Variants in MCTP2 observed in about 807,000 individuals in gnomAD.
The protein encoded by MCTP2 is multiple C2 and transmembrane domain containing 2, also known as multiple C2 and transmembrane domain-containing protein 2.
In MCTP2, 132 loss-of-function variants were observed where a neutral mutation model predicts 111.6. The ratio of observed to expected loss-of-function variants is 1.18; its 90% CI spans 1.03 to 1.37. The LOEUF (loss-of-function observed/expected upper bound fraction) is 1.37. Among genes scored for constraint, MCTP2 ranks in the 40% most tolerant of loss-of-function variants. The pLI is 0.00. For synonymous variants in MCTP2, 395 were observed against 387.7 expected (o/e 1.02, Z -0.22); for missense variants, 1,183 against 1,067.9 (o/e 1.11, Z -1.50).
chr15:94,323,267 C>A (rs149917780), intron 4 of MCTP2, among the ~76,000 whole-genome samples: 63 of 152,170 alleles, frequency 4.1e-4, no homozygotes, highest in African/African-American at 1.5e-3. Context: ...TGTATAGTTG[C>A]CACCAGGACA....
At chr15:94,341,007 C>A in intron 7 of MCTP2, 83 bp downstream of exon 7, 1 of 840,136 alleles carries the variant, frequency 1.2e-6, no homozygotes, top group Non-Finnish European at 2.0e-6. Context: ...TGATAGCTAG[C>A]AGATGACTGA....
intron 21 of MCTP2, among the ~76,000 whole-genome samples, chr15:94,472,831 C>CA (rs1294852376): frequency 6.6e-6 from 1 of 152,190 alleles, no homozygotes; most frequent in Non-Finnish European, 1.5e-5. Context: ...TATCCTAAGA[C>CA]AAATTAGTTA....
chr15:94,476,639 G>C (rs946955424), intron 21 of MCTP2, 57 bp from the exon 22 acceptor site: 9 of 886,974 alleles, frequency 1.0e-5, no homozygotes, highest in South Asian at 7.0e-5. Flanking sequence ...TAGATAGATA[G>C]ATAGATAGAT....
intron 4 of MCTP2, among the ~76,000 whole-genome samples, chr15:94,334,406 A>G (rs191685607): frequency 3.3e-5 from 5 of 152,372 alleles, no homozygotes; most frequent in Admixed American, 3.3e-4. Flanking sequence ...ACCTCTGGGC[A>G]TTAATCTTAC....
chr15:94,314,454 G>T (rs372348693), intron 3 of MCTP2, 110 bp downstream of exon 3: 28 of 682,602 alleles, frequency 4.1e-5, no homozygotes, highest in South Asian at 1.4e-4. Context: ...AAAAAAAAAT[G>T]CCAAACCGTA....
At position 94,244,356 on chromosome 15, in the gene MCTP2, ACATATG is replaced by A. The variant is rs1205169443; in HGVS notation, c.-66+12693_-66+12698del. 9.9e-4 allele frequency among the ~76,000 whole-genome samples: 148 copies of A among 149,436 alleles called. 2 individuals are homozygous for A. The highest frequency in any genetic ancestry group is 3.3e-3 in the African/African-American group (136 of 40,978). On this transcript the variant is annotated intron_variant, in intron 1 of 22. Transcript: ENST00000357742. ...TATATACACGTATACGTATACACAT[ACATATG>A]TATATATACGTATATGTATACACAT...
chr15:94,389,771 G>A (rs2080764329), intron 14 of MCTP2, among the ~76,000 whole-genome samples: 1 of 151,960 alleles, frequency 6.6e-6, no homozygotes. Flanking sequence ...TAATTTTTTT[G>A]AGAATTCATT....
intron 1 of MCTP2, among the ~76,000 whole-genome samples, chr15:94,243,509 G>A (rs558298594): frequency 7.2e-6 from 1 of 138,116 alleles, no homozygotes; most frequent in Non-Finnish European, 1.6e-5. Context: ...ATATGTATGC[G>A]TATATGCGTA....
intron 8 of MCTP2, among the ~76,000 whole-genome samples, chr15:94,347,028 GTTTAC>G (rs2078022695): frequency 1.3e-5 from 2 of 151,924 alleles, no homozygotes; most frequent in Admixed American, 6.6e-5. Context: ...GATAAATAAA[GTTTAC>G]TTTATTAATT....
intron 5 of MCTP2, 85 bp downstream of exon 5, chr15:94,339,517 C>G (rs572717088): frequency 9.5e-7 from 1 of 1,055,194 alleles, no homozygotes; most frequent in African/African-American, 1.6e-5. Flanking sequence ...GTGAACTTGC[C>G]AAAATTAATT....
Position 94,298,549 on chromosome 15 carries a change from C to A in MCTP2, c.284C>A (p.Ser95Tyr). The change falls in exon 2 of 23, where the codon TCC (serine) becomes TAC (tyrosine). Residue 95 changes from serine (S) to tyrosine (Y), a missense_variant. Physicochemically the swap from Ser to Tyr is moderately radical, Grantham distance 144. Transcript: ENST00000357742. Reference sequence around the variant, plus strand: ...ATCTTTCCCAAGAGCAGCAGTAGCTCCTTGAAACAGTCTGAAGAAGAATTG... The same window carrying A: ...ATCTTTCCCAAGAGCAGCAGTAGCTACTTGAAACAGTCTGAAGAAGAATTG... ...AGIFPKSSSS[S>Y]LKQSEEELDW... 1 of 1,614,132 alleles carries A rather than the reference C, an allele frequency of 6.2e-7. No homozygotes were observed. The highest frequency in any genetic ancestry group is 2.2e-5 in the East Asian group (1 of 44,866).
intron 1 of MCTP2, among the ~76,000 whole-genome samples, chr15:94,245,517 T>G (rs1020127348): frequency 7.0e-6 from 1 of 142,250 alleles, no homozygotes; most frequent in African/African-American, 2.5e-5. Flanking sequence ...TATACATATA[T>G]GTATATATTT....
chr15:94,253,490 A>G (rs1275638905), intron 1 of MCTP2, among the ~76,000 whole-genome samples: 3 of 152,104 alleles, frequency 2.0e-5, no homozygotes, highest in South Asian at 2.1e-4. Flanking sequence ...TTGTCATTCT[A>G]GTTACATTTT....
At chr15:94,271,769 T>TA (rs2073917711) in intron 1 of MCTP2, among the ~76,000 whole-genome samples, 1 of 152,238 alleles carries the variant, frequency 6.6e-6, no homozygotes, top group Non-Finnish European at 1.5e-5. Flanking sequence ...TTTTATGGCT[T>TA]AAAAATATGC....
At chr15:94,431,037 T>C (rs2083157656) in intron 17 of MCTP2, among the ~76,000 whole-genome samples, 1 of 152,224 alleles carries the variant, frequency 6.6e-6, no homozygotes, top group South Asian at 2.1e-4. Context: ...AGTTTATTTT[T>C]TCTATCTCAT....
At chr15:94,460,293 T>C (rs1313394834) in intron 20 of MCTP2, among the ~76,000 whole-genome samples, 4 of 152,018 alleles carry the variant, frequency 2.6e-5, no homozygotes, top group African/African-American at 9.7e-5. Context: ...GGCAAAGAAT[T>C]GATGAATGAG....
Position 94,476,796 on chromosome 15 carries a change from ATG to A in MCTP2, c.2568+5_2568+6del. The A allele has an allele frequency of 5.2e-6, 8 of 1,524,348 alleles. No individual in the cohort carries two copies. Among genetic ancestry groups the A allele is most frequent in the Non-Finnish European group, 7.3e-6 (8 of 1,098,696 alleles). The allele number at this position is 1,524,348 out of a possible 1,614,324, so 94.4% of individuals were successfully genotyped here. ...GGGTACCGTCTGATGTTCAAAAGGT[ATG>A]TAATGAATGGTTACCACCAACAGTG... On this transcript the variant is annotated splice_donor_5th_base_variant and intron_variant, in intron 22 of 22. Transcript: ENST00000357742.
chr15:94,293,513 T>C (rs1005039746), intron 1 of MCTP2, among the ~76,000 whole-genome samples: 6 of 152,194 alleles, frequency 3.9e-5, no homozygotes, highest in African/African-American at 1.4e-4. Context: ...AATACTGGGT[T>C]TTTCAGTATT....
intron 1 of MCTP2, among the ~76,000 whole-genome samples, chr15:94,249,678 G>A (rs1234855046): frequency 6.6e-6 from 1 of 151,940 alleles, no homozygotes; most frequent in Admixed American, 6.6e-5. Context: ...GTAGAGACGG[G>A]GTTTCACTGT....
Sources: allele counts gnomAD v4.1 joint callset (sites outside exome capture counted in the v4.1 genomes callset), GRCh38; gene constraint gnomAD v4.1.1; transcripts MANE v1.5; gene names NCBI Gene and HGNC (gene_info 2026-07-23, HGNC 2026-07-21).